GRIN2A: variants seen among roughly 807,000 people sequenced by gnomAD.
The protein encoded by GRIN2A is glutamate ionotropic receptor NMDA type subunit 2A, also known as glutamate receptor ionotropic, NMDA 2A.
GRIN2A carries 22 observed loss-of-function variants against 113.4 expected under a neutral mutation model. The observed-to-expected ratio is 0.19, with a 90% confidence interval of 0.14 to 0.28. The LOEUF (loss-of-function observed/expected upper bound fraction) is 0.28. Among genes scored for constraint, GRIN2A ranks in the 10% least tolerant of loss-of-function variants. GRIN2A has a pLI of 1.00. For missense variants in GRIN2A, 1,502 were observed against 1,887.0 expected (o/e 0.80, Z 3.78); for synonymous variants, 827 against 738.4 (o/e 1.12, Z -1.94).
chr16:10,024,995 A>G (rs941419917), intron 2 of GRIN2A, among the ~76,000 whole-genome samples: 1 of 152,120 alleles, frequency 6.6e-6, no homozygotes, highest in Non-Finnish European at 1.5e-5. Context: ...TAAGTCATGG[A>G]AGAGTCAGAG....
chr16:9,995,027 C>A (rs1011044302), intron 2 of GRIN2A, among the ~76,000 whole-genome samples: 1 of 152,176 alleles, frequency 6.6e-6, no homozygotes, highest in Non-Finnish European at 1.5e-5. Flanking sequence ...CAGGGACGAG[C>A]TGAAGAATCC....
chr16:10,179,457 G>A (rs918804521), intron 2 of GRIN2A: 1 of 167,144 alleles, frequency 6.0e-6, no homozygotes, highest in Non-Finnish European at 1.3e-5. Flanking sequence ...GTCAGAGGAA[G>A]CATGACATTT....
intron 2 of GRIN2A, among the ~76,000 whole-genome samples, chr16:9,959,321 C>A (rs2045379287): frequency 6.6e-6 from 1 of 152,210 alleles, no homozygotes; most frequent in South Asian, 2.1e-4. Context: ...GCTTCCATCC[C>A]TAAACCTAGA....
chr16:9,972,737 G>A (rs1279048619), intron 2 of GRIN2A, among the ~76,000 whole-genome samples: 3 of 152,168 alleles, frequency 2.0e-5, no homozygotes, highest in Non-Finnish European at 2.9e-5. Context: ...GACAGAGTGA[G>A]ATCTAACATA....
At chr16:10,020,432 AC>A (rs529696269) in intron 2 of GRIN2A, among the ~76,000 whole-genome samples, 29 of 152,264 alleles carry the variant, frequency 1.9e-4, no homozygotes, top group Admixed American at 1.1e-3. Flanking sequence ...TGCATAAAAA[AC>A]CACCTTTCAC....
rs1444291901 is a variant in GRIN2A, at chr16:9,801,330, G to A, written c.2169-2866C>T. Reference sequence around the variant, plus strand: ...ACTTTCTAAGTACCACCCAACTCTCGTCTCTCCATTCCTCAAAAAATAAAC... The same window carrying A: ...ACTTTCTAAGTACCACCCAACTCTCATCTCTCCATTCCTCAAAAAATAAAC... On this transcript the variant is annotated intron_variant, in intron 10 of 12. Transcript: ENST00000330684. Among the ~76,000 whole-genome samples, 6 of 152,078 alleles carry A rather than the reference G, an allele frequency of 3.9e-5. No homozygotes were observed. In the South Asian group the frequency reaches 8.3e-4, roughly 21 times the overall value.
At chr16:9,813,639 C>G (rs1405962830) in intron 10 of GRIN2A, among the ~76,000 whole-genome samples, 1 of 148,804 alleles carries the variant, frequency 6.7e-6, no homozygotes, top group Non-Finnish European at 1.5e-5. Context: ...CCTTGAAAAT[C>G]CTTTAACGTT....
chr16:10,108,535 C>T (rs1354014758), intron 2 of GRIN2A, among the ~76,000 whole-genome samples: 2 of 152,182 alleles, frequency 1.3e-5, no homozygotes, highest in Admixed American at 6.5e-5. Context: ...AACCCCAGGC[C>T]TCCTGATCAC....
At chr16:10,100,374 T>C (rs1462910848) in intron 2 of GRIN2A, among the ~76,000 whole-genome samples, 1 of 152,216 alleles carries the variant, frequency 6.6e-6, no homozygotes, top group Non-Finnish European at 1.5e-5. Context: ...CGAAGACCTT[T>C]GGTAGTCCTG....
intron 3 of GRIN2A, among the ~76,000 whole-genome samples, chr16:9,904,263 G>A (rs2043987569): frequency 6.6e-6 from 1 of 152,198 alleles, no homozygotes; most frequent in African/African-American, 2.4e-5. Context: ...AGCAGATTTG[G>A]TGTCTGGTGA....
At chr16:9,956,985 G>C (rs2045325160) in intron 2 of GRIN2A, among the ~76,000 whole-genome samples, 2 of 152,262 alleles carry the variant, frequency 1.3e-5, no homozygotes, top group African/African-American at 4.8e-5. Context: ...CTAAAGAAGA[G>C]GCTATTACCT....
At chr16:9,837,967 A>C in intron 7 of GRIN2A, among the ~76,000 whole-genome samples, 1 of 152,224 alleles carries the variant, frequency 6.6e-6, no homozygotes, top group Non-Finnish European at 1.5e-5. Flanking sequence ...ATCAAAAATG[A>C]AAACAGTAAA....
At chr16:10,112,096 C>T (rs938749571) in intron 2 of GRIN2A, 4 of 601,224 alleles carry the variant, frequency 6.7e-6, no homozygotes, top group African/African-American at 5.5e-5. Flanking sequence ...TCCAAGGATT[C>T]CCACAAGCAG....
At chr16:9,796,621 C>T (rs1157945385) in intron 11 of GRIN2A, among the ~76,000 whole-genome samples, 1 of 152,048 alleles carries the variant, frequency 6.6e-6, no homozygotes, top group Non-Finnish European at 1.5e-5. Context: ...GCTAGGCGTT[C>T]CTTTCTGTGC....
intron 3 of GRIN2A, among the ~76,000 whole-genome samples, chr16:9,925,607 A>T (rs2044449017): frequency 1.3e-5 from 2 of 152,172 alleles, no homozygotes; most frequent in Non-Finnish European, 2.9e-5. Flanking sequence ...AACTCTCTCA[A>T]GGTGGTGAGT....
intron 2 of GRIN2A, among the ~76,000 whole-genome samples, chr16:9,951,161 C>T (rs1298903613): frequency 6.6e-6 from 1 of 152,120 alleles, no homozygotes; most frequent in African/African-American, 2.4e-5. Flanking sequence ...CCAGCTTCTT[C>T]CTCTGGAAGC....
chr16:9,814,225 C>T (rs2141276940), intron 10 of GRIN2A, among the ~76,000 whole-genome samples: 1 of 152,292 alleles, frequency 6.6e-6, no homozygotes, highest in Non-Finnish European at 1.5e-5. Context: ...TCCCCTGAAC[C>T]ATAACCCCGT....
At chr16:10,117,289 C>T (rs1053548056) in intron 2 of GRIN2A, among the ~76,000 whole-genome samples, 2 of 152,060 alleles carry the variant, frequency 1.3e-5, no homozygotes, top group Non-Finnish European at 2.9e-5. Flanking sequence ...AAGTCTTTTC[C>T]CCCAGGAGCT....
At chr16:10,053,614 A>C (rs775011341) in intron 2 of GRIN2A, among the ~76,000 whole-genome samples, 4 of 152,216 alleles carry the variant, frequency 2.6e-5, no homozygotes, top group Non-Finnish European at 5.9e-5. Context: ...ACTAAGGTGG[A>C]TTGCCCTGGG....
Sources: gnomAD v4.1 joint callset for allele counts (sites outside exome capture counted in the v4.1 genomes callset) on GRCh38, gnomAD v4.1.1 for gene constraint, MANE v1.5 for transcripts, NCBI Gene and HGNC (gene_info 2026-07-23, HGNC 2026-07-21) for gene names.